Variants in WWOX observed in about 807,000 individuals in gnomAD.
WWOX encodes WW domain-containing oxidoreductase.
In WWOX, 69 loss-of-function variants were observed where a neutral mutation model predicts 46.2. The observed-to-expected ratio is 1.49, with a 90% CI of 1.23 to 1.82. WWOX has a LOEUF of 1.82. WWOX is among the 40% of genes most tolerant of loss of function. The pLI is 0.00. For synonymous variants in WWOX, 359 were observed against 202.6 expected (o/e 1.77, Z -6.56); for missense variants, 919 against 542.6 (o/e 1.69, Z -6.89).
intron 8 of WWOX, among the ~76,000 whole-genome samples, chr16:78,941,828 C>G (rs2045857785): frequency 6.6e-6 from 1 of 152,066 alleles, no homozygotes; most frequent in Admixed American, 6.6e-5. Context: ...TGTGCTTTTA[C>G]TACTATTTTT....
At chr16:78,775,370 G>A (rs2050163543) in intron 8 of WWOX, among the ~76,000 whole-genome samples, 1 of 152,106 alleles carries the variant, frequency 6.6e-6, no homozygotes. Flanking sequence ...TAGTTTTTGG[G>A]CAACTTTTCG....
intron 5 of WWOX, among the ~76,000 whole-genome samples, chr16:78,203,245 CT>C (rs746808425): frequency 2.0e-5 from 3 of 152,204 alleles, no homozygotes; most frequent in Middle Eastern, 3.4e-3. Context: ...AGAGACCCAC[CT>C]TTGCCTGCCC....
chr16:79,002,946 T>C (rs1193346584), intron 8 of WWOX, among the ~76,000 whole-genome samples: 1 of 152,194 alleles, frequency 6.6e-6, no homozygotes, highest in Non-Finnish European at 1.5e-5. Context: ...AAATCTATGC[T>C]GTTTAGGAAA....
intron 8 of WWOX, among the ~76,000 whole-genome samples, chr16:78,635,247 A>G (rs925016599): frequency 2.6e-5 from 4 of 152,104 alleles, no homozygotes; most frequent in African/African-American, 4.8e-5. Flanking sequence ...GACCCTTTCA[A>G]TCTAAACCTT....
At chr16:78,316,977 A>G (rs1297183644) in intron 5 of WWOX, among the ~76,000 whole-genome samples, 1 of 152,222 alleles carries the variant, frequency 6.6e-6, no homozygotes, top group Non-Finnish European at 1.5e-5. Flanking sequence ...ATTTGGCTGA[A>G]TGCTGGAAGT....
chr16:78,424,822 T>C (rs1363612755), intron 6 of WWOX, 48 bp from the exon 7 acceptor site: 1 of 1,606,856 alleles, frequency 6.2e-7, no homozygotes, highest in Non-Finnish European at 8.5e-7. Context: ...GGATTATCCT[T>C]GGTTGTAGTG....
intron 8 of WWOX, chr16:79,101,427 G>C (rs145857245): frequency 2.6e-5 from 4 of 152,040 alleles, no homozygotes; most frequent in Non-Finnish European, 5.9e-5. Context: ...ATGAAAGTTG[G>C]GTAAATTCCC....
chr16:78,119,265 A>G (rs759090387), intron 4 of WWOX, among the ~76,000 whole-genome samples: 7 of 152,236 alleles, frequency 4.6e-5, no homozygotes, highest in Non-Finnish European at 8.8e-5. Flanking sequence ...TGAACATTAC[A>G]TGCAAATGTT....
rs529855513 is a variant in WWOX at position 78,747,479 on chromosome 16, C to A, written c.1056+314727C>A. ...CATTTATGAAGTGCTCATTATGTGC[C>A]AGCGTTCTTAGCATCTCCCAACAAC... On this transcript the variant is annotated intron_variant, in intron 8 of 8. Transcript: ENST00000566780. Among the ~76,000 whole-genome samples the A allele has an allele frequency of 3.3e-5, 5 of 152,156 alleles. No homozygotes were observed. In the East Asian group the frequency reaches 7.7e-4, roughly 24 times the overall value.
At chr16:78,714,088 C>G (rs961331183) in intron 8 of WWOX, among the ~76,000 whole-genome samples, 1 of 152,164 alleles carries the variant, frequency 6.6e-6, no homozygotes, top group Admixed American at 6.5e-5. Context: ...ACCCAAAGCT[C>G]TCTTGTGAAG....
chr16:78,396,345 C>T (rs534523952), intron 6 of WWOX, among the ~76,000 whole-genome samples: 1 of 152,082 alleles, frequency 6.6e-6, no homozygotes, highest in African/African-American at 2.4e-5. Context: ...TATTAAAAGT[C>T]ATCACTGCCA....
intron 8 of WWOX, among the ~76,000 whole-genome samples, chr16:79,035,622 C>T (rs867549568): frequency 6.6e-6 from 1 of 152,170 alleles, no homozygotes; most frequent in African/African-American, 2.4e-5. Context: ...TCACTGCAAC[C>T]TCGTCTCCCG....
intron 8 of WWOX, among the ~76,000 whole-genome samples, chr16:78,824,837 CA>C (rs36028615): frequency 6.6e-6 from 1 of 152,080 alleles, no homozygotes; most frequent in Admixed American, 6.6e-5. Context: ...GAGACACACC[CA>C]AAGCATATCA....
chr16:78,877,247 G>A (rs183528081), intron 8 of WWOX, among the ~76,000 whole-genome samples: 113 of 152,072 alleles, frequency 7.4e-4, no homozygotes, highest in Admixed American at 2.6e-3. Flanking sequence ...GTCACAGTAG[G>A]ACACCAAACC....
chr16:79,189,167 G>T (rs2051078490), intron 8 of WWOX, among the ~76,000 whole-genome samples: 1 of 152,180 alleles, frequency 6.6e-6, no homozygotes, highest in African/African-American at 2.4e-5. Flanking sequence ...TTCCAGCATG[G>T]TCTGTCGTCT....
At chr16:78,728,020 G>A (rs72799100) in intron 8 of WWOX, among the ~76,000 whole-genome samples, 1 of 143,928 alleles carries the variant, frequency 6.9e-6, no homozygotes, top group South Asian at 2.3e-4. Flanking sequence ...AGTGAACATA[G>A]ATAACTCCCT....
intron 8 of WWOX, among the ~76,000 whole-genome samples, chr16:78,683,750 G>T (rs966055316): frequency 5.3e-5 from 8 of 152,002 alleles, no homozygotes; most frequent in African/African-American, 1.7e-4. Context: ...GGACTTGTGG[G>T]CATTTTCAAG....
intron 5 of WWOX, among the ~76,000 whole-genome samples, chr16:78,205,874 TCCC>T (rs2036376546): frequency 6.6e-6 from 1 of 151,400 alleles, no homozygotes; most frequent in South Asian, 2.1e-4. Flanking sequence ...CCTTCCGTCC[TCCC>T]TTCCTCCCAT....
chr16:79,098,176 C>T (rs141723410), intron 8 of WWOX, among the ~76,000 whole-genome samples: 286 of 152,284 alleles, frequency 1.9e-3, no homozygotes, highest in African/African-American at 6.6e-3. Flanking sequence ...TGAAAACACA[C>T]AGATGCCTGG....
Sources: gnomAD v4.1 joint callset for allele counts (sites outside exome capture counted in the v4.1 genomes callset) on GRCh38, gnomAD v4.1.1 for gene constraint, MANE v1.5 for transcripts, NCBI Gene and HGNC (gene_info 2026-07-23, HGNC 2026-07-21) for gene names.